The following RANBP17 variants were observed in gnomAD, a reference collection of about 807,000 sequenced individuals.
RANBP17 encodes RAN binding protein 17, also known as ran-binding protein 17.
RANBP17 carries 158 observed loss-of-function variants against 141.2 expected under a neutral mutation model. The ratio of observed to expected loss-of-function variants is 1.12; its 90% CI spans 0.98 to 1.28. The LOEUF is 1.28. RANBP17 is among the 50% of genes most tolerant of loss of function. The pLI, the probability that RANBP17 is intolerant of heterozygous loss-of-function variation, is 0.00. For synonymous variants in RANBP17, 430 were observed against 450.0 expected, an observed-to-expected ratio of 0.96 and a Z score of 0.56; for missense variants, 1,438 against 1,290.7, an observed-to-expected ratio of 1.11 and a Z score of -1.75.
At chr5:170,897,837 C>G (rs2127395715) in intron 5 of RANBP17, among the ~76,000 whole-genome samples, 1 of 152,256 alleles carries the variant, frequency 6.6e-6, no homozygotes. Context: ...GGTTCCAAAT[C>G]TTTGCTATTG....
chr5:171,169,264 A>G (rs75858263), intron 14 of RANBP17, among the ~76,000 whole-genome samples: 9,508 of 152,172 alleles, frequency 0.062, 392 homozygotes, highest in East Asian at 0.12. Flanking sequence ...AGAGAACACA[A>G]TCACAGAGGA....
chr5:171,137,620 G>C (rs970590744), intron 14 of RANBP17, among the ~76,000 whole-genome samples: 2 of 148,060 alleles, frequency 1.4e-5, no homozygotes, highest in Non-Finnish European at 3.0e-5. Flanking sequence ...GTGTGTGTGT[G>C]TGTGTCTGTG....
At chr5:171,098,769 A>G (rs996862604) in intron 14 of RANBP17, among the ~76,000 whole-genome samples, 13 of 152,102 alleles carry the variant, frequency 8.5e-5, no homozygotes, top group South Asian at 8.3e-4. Flanking sequence ...TTATGCTTTT[A>G]GGTCTTATGT....
At chr5:171,072,018 C>A (rs984189271) in intron 14 of RANBP17, among the ~76,000 whole-genome samples, 3 of 152,020 alleles carry the variant, frequency 2.0e-5, no homozygotes, top group African/African-American at 7.2e-5. Context: ...CCAAAATATA[C>A]AAAGGACTCT....
chr5:171,078,680 C>T (rs998835268), intron 14 of RANBP17, among the ~76,000 whole-genome samples: 10 of 152,170 alleles, frequency 6.6e-5, no homozygotes, highest in Admixed American at 4.6e-4. Context: ...CTAAATCTAT[C>T]AGTGCTCTAG....
At chr5:170,931,451 C>G (rs1439377539) in intron 12 of RANBP17, among the ~76,000 whole-genome samples, 1 of 152,100 alleles carries the variant, frequency 6.6e-6, no homozygotes, top group East Asian at 1.9e-4. Flanking sequence ...GTTGCCATTG[C>G]TTTTGGTGTT....
At chr5:171,189,091 G>A (rs889822301) in intron 18 of RANBP17, among the ~76,000 whole-genome samples, 1 of 152,006 alleles carries the variant, frequency 6.6e-6, no homozygotes, top group South Asian at 2.1e-4. Flanking sequence ...AATATCTGTT[G>A]CATTACAAGC....
chr5:170,935,172 C>A (rs1381928793), intron 12 of RANBP17, among the ~76,000 whole-genome samples: 1 of 152,196 alleles, frequency 6.6e-6, no homozygotes, highest in African/African-American at 2.4e-5. Flanking sequence ...TTAAGGACTT[C>A]TCTACACTGT....
At chr5:171,155,695 T>G (rs1361936302) in intron 14 of RANBP17, among the ~76,000 whole-genome samples, 2 of 152,244 alleles carry the variant, frequency 1.3e-5, no homozygotes, top group South Asian at 2.1e-4. Context: ...AATATAAAAT[T>G]TTCATTCATT....
In RANBP17 at chr5:170,896,122, G is replaced by T. The variant is rs769410822; in HGVS notation, c.489+7G>T. The stretch of plus-strand genomic sequence containing the variant: ...GACTCAGGAAATGAACCTGGTAAGC[G>T]AGCCTTTCCATCTAACAGGAGCCTG... On this transcript the variant is annotated splice_region_variant and intron_variant, in intron 5 of 27. Coordinates refer to ENST00000523189, the MANE Select transcript of RANBP17 (RefSeq NM_022897.5). 2 of 1,593,352 alleles carry T rather than the reference G, an allele frequency of 1.3e-6. No homozygotes were observed. The highest frequency in any genetic ancestry group is 2.7e-5 in the African/African-American group (2 of 74,098).
chr5:171,159,874 G>T (rs1025111494), intron 14 of RANBP17, among the ~76,000 whole-genome samples: 2 of 129,674 alleles, frequency 1.5e-5, no homozygotes, highest in African/African-American at 2.9e-5. Flanking sequence ...GGTGAGCCAG[G>T]ATCATGCCAC....
intron 27 of RANBP17, among the ~76,000 whole-genome samples, chr5:171,298,540 G>C (rs1768962471): frequency 6.6e-6 from 1 of 152,234 alleles, no homozygotes; most frequent in Non-Finnish European, 1.5e-5. Context: ...AGTGAATTTA[G>C]TGGCAACCCT....
intron 23 of RANBP17, among the ~76,000 whole-genome samples, chr5:171,241,841 A>G (rs1764899711): frequency 6.6e-6 from 1 of 152,218 alleles, no homozygotes; most frequent in African/African-American, 2.4e-5. Context: ...TGTGTTAAAA[A>G]TATACATTTC....
intron 22 of RANBP17, among the ~76,000 whole-genome samples, chr5:171,234,280 C>T (rs1764395656): frequency 6.6e-6 from 1 of 152,008 alleles, no homozygotes; most frequent in African/African-American, 2.4e-5. Flanking sequence ...GTCTGAAGGG[C>T]AGCAAGGAGG....
At chr5:171,092,248 A>C (rs1189131395) in intron 14 of RANBP17, among the ~76,000 whole-genome samples, 2 of 152,206 alleles carry the variant, frequency 1.3e-5, no homozygotes, top group Non-Finnish European at 2.9e-5. Context: ...TCTTATGGTT[A>C]CCATTTGGCA....
intron 14 of RANBP17, among the ~76,000 whole-genome samples, chr5:170,986,890 AACATTTCATGATAGTATCTTCAATGGACT>A (rs1486754707): frequency 6.6e-6 from 1 of 151,856 alleles, no homozygotes; most frequent in Non-Finnish European, 1.5e-5. Flanking sequence ...GAAATAGAAA[AACATTTCATGATAGTATCTTCAATGGACT>A]ACTACAACTT....
intron 24 of RANBP17, among the ~76,000 whole-genome samples, chr5:171,257,652 G>A (rs1765987962): frequency 1.3e-5 from 2 of 152,046 alleles, no homozygotes; most frequent in African/African-American, 4.8e-5. Flanking sequence ...CTTATATCCA[G>A]AAAAACCTAA....
chr5:171,252,951 G>A, intron 24 of RANBP17: 3 of 1,440,670 alleles, frequency 2.1e-6, no homozygotes, highest in South Asian at 2.3e-5. Flanking sequence ...AGAACTCTGA[G>A]TCTGGTTACA....
intron 14 of RANBP17, among the ~76,000 whole-genome samples, chr5:171,045,257 G>C (rs1276057086): frequency 2.0e-5 from 3 of 152,062 alleles, no homozygotes; most frequent in Non-Finnish European, 4.4e-5. Context: ...GGAAATATAT[G>C]TGTAAATAGA....
Sources: gnomAD v4.1 joint callset for allele counts (sites outside exome capture counted in the v4.1 genomes callset) on GRCh38, gnomAD v4.1.1 for gene constraint, MANE v1.5 for transcripts, NCBI Gene and HGNC (gene_info 2026-07-23, HGNC 2026-07-21) for gene names.